Variants in EXOC6B observed in about 807,000 individuals in gnomAD.
EXOC6B encodes SEC15 homolog B.
In EXOC6B, 54 loss-of-function variants were observed where a neutral mutation model predicts 113.5. The observed-to-expected ratio is 0.48, with a 90% CI of 0.38 to 0.60. EXOC6B has a LOEUF of 0.60. EXOC6B is among the 20% of genes least tolerant of loss of function. The pLI, the probability that EXOC6B is intolerant of heterozygous loss-of-function variation, is 0.00. For missense variants in EXOC6B, 797 were observed against 977.5 expected, an observed-to-expected ratio of 0.82 and a Z score of 2.46; for synonymous variants, 357 against 339.0, an observed-to-expected ratio of 1.05 and a Z score of -0.58.
intron 6 of EXOC6B, among the ~76,000 whole-genome samples, chr2:72,695,071 A>G (rs555253443): frequency 9.2e-5 from 14 of 152,232 alleles, no homozygotes; most frequent in Non-Finnish European, 1.9e-4. Context: ...CAACACAGGC[A>G]CACTGCCAAC....
intron 20 of EXOC6B, among the ~76,000 whole-genome samples, chr2:72,298,064 ATCTG>A (rs1686254287): frequency 1.3e-5 from 2 of 152,166 alleles, no homozygotes; most frequent in Admixed American, 1.3e-4. Context: ...TGTCTCATTG[ATCTG>A]TCTAATACTG....
At chr2:72,224,321 C>G (rs962389968) in intron 20 of EXOC6B, among the ~76,000 whole-genome samples, 6 of 152,162 alleles carry the variant, frequency 3.9e-5, no homozygotes, top group African/African-American at 1.4e-4. Context: ...ATTACCTTAT[C>G]TCTTGTGAAT....
chr2:72,219,708 C>G (rs1680750540), intron 20 of EXOC6B, among the ~76,000 whole-genome samples: 1 of 152,176 alleles, frequency 6.6e-6, no homozygotes, highest in South Asian at 2.1e-4. Flanking sequence ...ACAAGTAGCA[C>G]TCCCTAAATA....
chr2:72,612,092 A>G (rs547727163), intron 6 of EXOC6B, among the ~76,000 whole-genome samples: 1 of 152,174 alleles, frequency 6.6e-6, no homozygotes, highest in South Asian at 2.1e-4. Flanking sequence ...CCTGGGCAAC[A>G]TGGCAAAAAC....
At chr2:72,620,902 A>G (rs1227060425) in intron 6 of EXOC6B, among the ~76,000 whole-genome samples, 1 of 152,198 alleles carries the variant, frequency 6.6e-6, no homozygotes, top group Non-Finnish European at 1.5e-5. Context: ...TATGAAAAAA[A>G]TGCTCATCAT....
intron 7 of EXOC6B, among the ~76,000 whole-genome samples, chr2:72,563,719 C>T (rs1704011658): frequency 6.6e-6 from 1 of 152,016 alleles, no homozygotes; most frequent in Non-Finnish European, 1.5e-5. Flanking sequence ...AAAATTTTTA[C>T]AAAACGCCAG....
rs192945361 is a variant in EXOC6B, at chr2:72,209,991, C to T, written c.2197-25804G>A. ...TGATGCACCTAATGATGCTGCTACA[C>T]ATGGATTATGCAGGCATAATTTTTA... On this transcript the variant is annotated intron_variant, in intron 20 of 21. Transcript: ENST00000272427. 7.2e-5 allele frequency among the ~76,000 whole-genome samples: 11 copies of T among 152,278 alleles called. No individual in the cohort carries two copies. In the East Asian group the frequency reaches 2.1e-3, roughly 29 times the overall value.
intron 6 of EXOC6B, among the ~76,000 whole-genome samples, chr2:72,597,303 G>A (rs1463135563): frequency 1.3e-5 from 2 of 151,672 alleles, no homozygotes; most frequent in Non-Finnish European, 3.0e-5. Context: ...AGGAACTAGA[G>A]GGAGGAACTG....
chr2:72,179,216 TA>T lies in EXOC6B; in HGVS notation c.*118del. ...TATGTGAATACTGCACAGGGGTTAA[TA>T]AAAAAATACATATGCTCTCTTTGAA... On this transcript the variant is annotated 3_prime_UTR_variant, in exon 22 of 22. Transcript: ENST00000272427. 5 of 1,221,042 alleles carry T rather than the reference TA, an allele frequency of 4.1e-6. No homozygotes were observed. Among genetic ancestry groups the T allele is most frequent in the Non-Finnish European group, 5.6e-6 (5 of 896,612 alleles). The allele number at this position is 1,221,042 out of a possible 1,614,324, so 75.6% of individuals were successfully genotyped here.
intron 20 of EXOC6B, among the ~76,000 whole-genome samples, chr2:72,262,414 G>T (rs1235236980): frequency 6.6e-6 from 1 of 151,944 alleles, no homozygotes; most frequent in African/African-American, 2.4e-5. Context: ...AACTTATTGA[G>T]GCAATAGTAT....
chr2:72,764,393 A>G (rs777877285), intron 1 of EXOC6B, among the ~76,000 whole-genome samples: 2 of 102,950 alleles, frequency 1.9e-5, no homozygotes, highest in Non-Finnish European at 3.6e-5. Flanking sequence ...TTTTTTTGAG[A>G]CAGAGTCTCA....
intron 17 of EXOC6B, among the ~76,000 whole-genome samples, chr2:72,467,824 G>A (rs1438087041): frequency 2.0e-5 from 3 of 151,836 alleles, no homozygotes; most frequent in Non-Finnish European, 2.9e-5. Flanking sequence ...AGGCTGGAGT[G>A]AAGTGGCACA....
At chr2:72,706,328 G>T (rs949891020) in intron 6 of EXOC6B, among the ~76,000 whole-genome samples, 1 of 152,162 alleles carries the variant, frequency 6.6e-6, no homozygotes, top group African/African-American at 2.4e-5. Flanking sequence ...AGGAGGCTGG[G>T]ACAAGAGGAC....
At chr2:72,451,826 G>C (rs1696939142) in intron 18 of EXOC6B, among the ~76,000 whole-genome samples, 1 of 152,090 alleles carries the variant, frequency 6.6e-6, no homozygotes, top group Non-Finnish European at 1.5e-5. Context: ...AGTACGTACT[G>C]TGATTTCCAA....
chr2:72,728,206 T>A lies in EXOC6B; in HGVS notation c.464+2801A>T, dbSNP rs189448059. Among the ~76,000 whole-genome samples, 462 of 152,204 alleles carry A rather than the reference T, an allele frequency of 3.0e-3. 4 individuals carry two copies. Among genetic ancestry groups the A allele is most frequent in the Non-Finnish European group, 3.2e-3 (220 of 68,000 alleles). On this transcript the variant is annotated intron_variant, in intron 5 of 21. Coordinates refer to ENST00000272427, the MANE Select transcript of EXOC6B (RefSeq NM_015189.3). ...TAAACCCTTTCTTTGATCCAGCTGA[T>A]CTCCTTCTAGATATAGACCCTAGAC... is the stretch of plus-strand genomic sequence containing the variant.
chr2:72,374,999 C>A (rs888392738), intron 19 of EXOC6B, among the ~76,000 whole-genome samples: 1 of 151,512 alleles, frequency 6.6e-6, no homozygotes. Context: ...AACACAAGGT[C>A]ATAAGGAAGT....
At chr2:72,654,198 C>A (rs971326289) in intron 6 of EXOC6B, among the ~76,000 whole-genome samples, 6 of 152,166 alleles carry the variant, frequency 3.9e-5, no homozygotes, top group African/African-American at 9.7e-5. Flanking sequence ...TCTCGATCTC[C>A]TGACCTTGTG....
In EXOC6B at chr2:72,607,921, C is replaced by G. The variant is rs142358287; in HGVS notation, c.670-32253G>C. On this transcript the variant is annotated intron_variant, in intron 6 of 21. Transcript: ENST00000272427. The stretch of plus-strand genomic sequence containing the variant: ...TGGAAAGGAAAAGAATTCCAATTCA[C>G]AGTAAACAAATGACATTAAAGAAAT... 5.6e-3 allele frequency among the ~76,000 whole-genome samples: 843 copies of G among 151,754 alleles called. 7 individuals carry two copies. The highest frequency in any genetic ancestry group is 0.02 in the African/African-American group (815 of 41,368).
At chr2:72,581,453 A>G (rs932689752) in intron 6 of EXOC6B, among the ~76,000 whole-genome samples, 1 of 152,238 alleles carries the variant, frequency 6.6e-6, no homozygotes, top group Admixed American at 6.5e-5. Context: ...GTTTCATGTG[A>G]TATTTTAAAA....
Sources: gnomAD v4.1 joint callset for allele counts (sites outside exome capture counted in the v4.1 genomes callset) on GRCh38, gnomAD v4.1.1 for gene constraint, MANE v1.5 for transcripts, NCBI Gene and HGNC (gene_info 2026-07-23, HGNC 2026-07-21) for gene names.